The following RNF220 variants were observed in gnomAD, a reference collection of about 807,000 sequenced individuals.
RNF220 encodes E3 ubiquitin-protein ligase RNF220.
Under a neutral mutation model 67.1 loss-of-function variants are expected in RNF220, and 7 were observed. The ratio of observed to expected loss-of-function variants is 0.10; its 90% CI spans 0.06 to 0.20. RNF220 has a LOEUF of 0.20. Ranked by LOEUF, RNF220 falls within the 10% of genes least tolerant of loss-of-function variation. The pLI is 1.00. For missense variants in RNF220, 565 were observed against 740.3 expected, an observed-to-expected ratio of 0.76 and a Z score of 2.75; for synonymous variants, 270 against 283.2, an observed-to-expected ratio of 0.95 and a Z score of 0.47.
chr1:44,522,616 A>G (rs1158575941), intron 2 of RNF220, among the ~76,000 whole-genome samples: 2 of 152,044 alleles, frequency 1.3e-5, no homozygotes, highest in Non-Finnish European at 2.9e-5. Context: ...AGAACCAAGT[A>G]GAGACCAATC....
At chr1:44,406,071 G>GGGCGGATGGAGAAGGGGCGA (rs1557892690) in intron 1 of RNF220, among the ~76,000 whole-genome samples, 2 of 152,190 alleles carry the variant, frequency 1.3e-5, no homozygotes, top group East Asian at 1.9e-4. Context: ...CCGAGGCGGC[G>GGGCGGATGGAGAAGGGGCGA]GGCGGATGGA....
intron 2 of RNF220, among the ~76,000 whole-genome samples, chr1:44,422,335 T>C (rs571313688): frequency 6.8e-6 from 1 of 147,864 alleles, no homozygotes; most frequent in African/African-American, 2.5e-5. Flanking sequence ...GCAGTAAAAT[T>C]AAAAAAAAAA....
At chr1:44,640,866 C>T (rs116722158) in intron 8 of RNF220, among the ~76,000 whole-genome samples, 96 of 152,292 alleles carry the variant, frequency 6.3e-4, no homozygotes, top group African/African-American at 2.2e-3. Flanking sequence ...AGCACAGGCC[C>T]CTGGAGGGCC....
chr1:44,415,067 A>G (rs1353461769), intron 2 of RNF220, among the ~76,000 whole-genome samples: 1 of 147,234 alleles, frequency 6.8e-6, no homozygotes, highest in Non-Finnish European at 1.5e-5. Context: ...GTCATACTAG[A>G]TAGCGTTTGT....
chr1:44,425,214 C>G (rs1649637378), intron 2 of RNF220, among the ~76,000 whole-genome samples: 1 of 152,130 alleles, frequency 6.6e-6, no homozygotes, highest in South Asian at 2.1e-4. Flanking sequence ...ATGCTCTCGT[C>G]AACTTTGCTT....
intron 2 of RNF220, among the ~76,000 whole-genome samples, chr1:44,513,518 T>A (rs910436950): frequency 1.3e-5 from 2 of 151,610 alleles, no homozygotes; most frequent in African/African-American, 4.8e-5. Context: ...CTTCTGAAAG[T>A]GATGGAGCGA....
intron 4 of RNF220, among the ~76,000 whole-genome samples, chr1:44,623,074 T>C (rs1573083324): frequency 6.6e-6 from 1 of 152,182 alleles, no homozygotes; most frequent in South Asian, 2.1e-4. Flanking sequence ...GAGATGTGGG[T>C]GACCCAGACA....
chr1:44,644,842 C>A, intron 9 of RNF220, 48 bp downstream of exon 9: 1 of 1,557,790 alleles, frequency 6.4e-7, no homozygotes, highest in Non-Finnish European at 8.9e-7. Context: ...AGGGCAGGCA[C>A]AGGGAATAAG....
chr1:44,495,080 G>A (rs930153858), intron 2 of RNF220, among the ~76,000 whole-genome samples: 3 of 152,062 alleles, frequency 2.0e-5, no homozygotes, highest in African/African-American at 4.8e-5. Flanking sequence ...GGGTGTGGTG[G>A]CACACACCTG....
chr1:44,448,130 C>G lies in RNF220; in HGVS notation c.625+35408C>G, dbSNP rs545887429. 2.0e-5 allele frequency among the ~76,000 whole-genome samples: 3 copies of G among 152,246 alleles called. No individual in the cohort carries two copies. The South Asian group carries it at 6.2e-4, about 32-fold the overall frequency. ...CCTGGCCAACATGGCAAAACTCTGT[C>G]TCTACTAAAAATACAAAAATTAGCT... On this transcript the variant is annotated intron_variant, in intron 2 of 14. Transcript: ENST00000361799.
At chr1:44,560,988 C>A (rs1022218376) in intron 2 of RNF220, among the ~76,000 whole-genome samples, 2 of 152,214 alleles carry the variant, frequency 1.3e-5, no homozygotes, top group African/African-American at 4.8e-5. Context: ...AATGTCATAA[C>A]AATTCTTCAT....
intron 2 of RNF220, among the ~76,000 whole-genome samples, chr1:44,567,684 C>A (rs1409261316): frequency 1.3e-5 from 2 of 152,126 alleles, no homozygotes; most frequent in Non-Finnish European, 2.9e-5. Flanking sequence ...GGGATAGCCT[C>A]ACACAGCATA....
At chr1:44,534,097 A>C (rs954806092) in intron 2 of RNF220, among the ~76,000 whole-genome samples, 7 of 152,124 alleles carry the variant, frequency 4.6e-5, no homozygotes, top group Non-Finnish European at 7.4e-5. Flanking sequence ...GCCTTAGCCA[A>C]CTGAGTAGCT....
chr1:44,649,977 G>C lies in RNF220; in HGVS notation c.1629+20G>C, dbSNP rs548447621. On this transcript the variant is annotated intron_variant, in intron 14 of 14. Coordinates refer to ENST00000361799, the MANE Select transcript of RNF220 (RefSeq NM_018150.4). This position sits in a 1 kb window ranked among gnomAD's most constrained non-coding sequence, Gnocchi z 5.9. ...ACCCTGGTGAGGTGGCATGGGGGTC[G>C]GGGAATGGGAGGCCGCTCCGGGCAC... The C allele has an allele frequency of 6.2e-7, 1 of 1,611,534 alleles. No homozygotes were observed.
chr1:44,647,423 G>T (rs1019761437), intron 12 of RNF220, among the ~76,000 whole-genome samples: 1 of 152,144 alleles, frequency 6.6e-6, no homozygotes, highest in Non-Finnish European at 1.5e-5. Context: ...CCTGCTGTTC[G>T]GAGGCTTGTG....
chr1:44,553,279 G>A (rs897715071), intron 2 of RNF220, among the ~76,000 whole-genome samples: 2 of 152,058 alleles, frequency 1.3e-5, no homozygotes, highest in African/African-American at 4.8e-5. Context: ...AGTGACATCA[G>A]GATTATATTT....
intron 2 of RNF220, among the ~76,000 whole-genome samples, chr1:44,463,613 C>T (rs1653995083): frequency 6.6e-6 from 1 of 152,052 alleles, no homozygotes; most frequent in Admixed American, 6.6e-5. Context: ...TGCCCCATAT[C>T]CTCCTTATCT....
intron 12 of RNF220, chr1:44,648,818 T>TAA (rs1644715069): frequency 6.6e-6 from 1 of 152,206 alleles, no homozygotes; most frequent in Non-Finnish European, 1.5e-5. Context: ...CTCTTGGCCA[T>TAA]AGTCAGTATT....
chr1:44,538,469 T>C (rs1661411779), intron 2 of RNF220, among the ~76,000 whole-genome samples: 1 of 152,244 alleles, frequency 6.6e-6, no homozygotes, highest in African/African-American at 2.4e-5. Context: ...GTGAGCTGGC[T>C]GGTATGGCTT....
Sources: allele counts gnomAD v4.1 joint callset (sites outside exome capture counted in the v4.1 genomes callset), GRCh38; gene constraint gnomAD v4.1.1; non-coding constraint Gnocchi (gnomAD v3.1); transcripts MANE v1.5; gene names NCBI Gene and HGNC (gene_info 2026-07-23, HGNC 2026-07-21).